Variants in CTDSPL2 observed in about 807,000 individuals in gnomAD.
CTDSPL2 encodes CTD small phosphatase like 2.
A neutral mutation model predicts 60.0 loss-of-function variants in CTDSPL2; 5 were observed. The observed-to-expected ratio is 0.08, with a 90% CI of 0.04 to 0.18. The LOEUF is 0.18. Ranked by LOEUF, CTDSPL2 falls within the 10% of genes least tolerant of loss-of-function variation. The probability of loss-of-function intolerance (pLI) is 1.00; values close to 1 mark genes in which losing one functional copy is unlikely to be tolerated. For synonymous variants in CTDSPL2, 186 were observed against 189.3 expected (o/e 0.98, Z 0.14); for missense variants, 370 against 548.8 (o/e 0.67, Z 3.26).
intron 3 of CTDSPL2, among the ~76,000 whole-genome samples, chr15:44,484,902 G>A (rs1371409610): frequency 6.6e-6 from 1 of 152,146 alleles, no homozygotes; most frequent in East Asian, 1.9e-4. Flanking sequence ...GCATAAAAAT[G>A]TATGTGGATC....
At chr15:44,480,939 C>T (rs937194369) in intron 2 of CTDSPL2, among the ~76,000 whole-genome samples, 19 of 152,144 alleles carry the variant, frequency 1.2e-4, no homozygotes, top group Admixed American at 2.6e-4. Flanking sequence ...TTTCCTAGTT[C>T]GTCTTCCTCT....
At chr15:44,476,273 A>G (rs920455676) in intron 2 of CTDSPL2, among the ~76,000 whole-genome samples, 2 of 151,934 alleles carry the variant, frequency 1.3e-5, no homozygotes, top group Non-Finnish European at 2.9e-5. Flanking sequence ...TTTCACTGTT[A>G]GCCAGGATGG....
intron 1 of CTDSPL2, among the ~76,000 whole-genome samples, chr15:44,431,112 G>A (rs1421869371): frequency 1.3e-5 from 2 of 150,928 alleles, no homozygotes; most frequent in East Asian, 2.0e-4. Context: ...GTGAGCCACC[G>A]CATCTGGCCC....
chr15:44,453,341 T>C (rs891901737), intron 1 of CTDSPL2, among the ~76,000 whole-genome samples: 2 of 152,216 alleles, frequency 1.3e-5, no homozygotes, highest in Admixed American at 6.5e-5. Context: ...TGATTATTTT[T>C]AATATGAAAG....
intron 1 of CTDSPL2, among the ~76,000 whole-genome samples, chr15:44,441,140 A>G (rs1595696486): frequency 6.6e-6 from 1 of 152,216 alleles, no homozygotes; most frequent in African/African-American, 2.4e-5. Flanking sequence ...CCTCAGTGGT[A>G]TTAGAGACAT....
chr15:44,454,268 G>A (rs1481474084), intron 1 of CTDSPL2, among the ~76,000 whole-genome samples: 1 of 152,100 alleles, frequency 6.6e-6, no homozygotes, highest in Non-Finnish European at 1.5e-5. Flanking sequence ...CCCACTTTTT[G>A]ATGGAGTTGT....
chr15:44,484,292 A>T lies in CTDSPL2; in HGVS notation c.255A>T (p.Ser85=). Residue 85 remains serine, a synonymous_variant, in exon 3 of 13, where the codon TCA becomes TCT. Transcript: ENST00000260327. Reference sequence around the variant, plus strand: ...ATATAGATAACAATTTGATCACGTCAACACCAAGAGCAGGAGAAAAACCTA... The same window carrying T: ...ATATAGATAACAATTTGATCACGTCTACACCAAGAGCAGGAGAAAAACCTA... ...ERDIDNNLIT[S]TPRAGEKPNK... The T allele has an allele frequency of 6.2e-7, 1 of 1,613,430 alleles. No homozygotes were observed. The highest frequency in any genetic ancestry group is 8.5e-7 in the Non-Finnish European group (1 of 1,179,348).
intron 3 of CTDSPL2, among the ~76,000 whole-genome samples, chr15:44,486,050 C>T (rs2081112722): frequency 6.6e-6 from 1 of 152,086 alleles, no homozygotes; most frequent in South Asian, 2.1e-4. Context: ...GTCTCAGTGT[C>T]CATAAGTAAT....
At chr15:44,478,107 C>CTTAG (rs1426482204) in intron 2 of CTDSPL2, among the ~76,000 whole-genome samples, 3 of 151,980 alleles carry the variant, frequency 2.0e-5, no homozygotes, top group African/African-American at 7.3e-5. Context: ...TATGATTAGT[C>CTTAG]TTAGCATCAT....
chr15:44,481,215 A>T (rs1164491199), intron 2 of CTDSPL2, among the ~76,000 whole-genome samples: 1 of 152,186 alleles, frequency 6.6e-6, no homozygotes, highest in Non-Finnish European at 1.5e-5. Flanking sequence ...ATTTCAATGA[A>T]TTATTCTGAA....
At chr15:44,479,829 A>G (rs1297062240) in intron 2 of CTDSPL2, among the ~76,000 whole-genome samples, 1 of 152,102 alleles carries the variant, frequency 6.6e-6, no homozygotes, top group Non-Finnish European at 1.5e-5. Flanking sequence ...GTGTTTCATT[A>G]TAGTAGTTTT....
chr15:44,493,698 G>A (rs368905184), intron 5 of CTDSPL2, among the ~76,000 whole-genome samples: 1 of 152,146 alleles, frequency 6.6e-6, no homozygotes, highest in South Asian at 2.1e-4. Context: ...TACTTGAAGG[G>A]CTGAGGTGGG....
chr15:44,471,684 T>A (rs555652704), intron 2 of CTDSPL2, among the ~76,000 whole-genome samples: 108 of 152,282 alleles, frequency 7.1e-4, no homozygotes, highest in African/African-American at 2.4e-3. Context: ...TTCAGTAGCT[T>A]TTAGTACATG....
chr15:44,445,496 C>G (rs115826718), intron 1 of CTDSPL2, among the ~76,000 whole-genome samples: 1,550 of 151,190 alleles, frequency 0.01, 26 homozygotes, highest in African/African-American at 0.036. Flanking sequence ...GGCCTAGGTT[C>G]TAGATTTTTG....
chr15:44,511,926 A>G (rs890540489), intron 8 of CTDSPL2, among the ~76,000 whole-genome samples: 2 of 150,786 alleles, frequency 1.3e-5, no homozygotes, highest in African/African-American at 4.9e-5. Flanking sequence ...GTGATGGGTC[A>G]TGCCTATAAT....
chr15:44,491,065 T>G (rs1470005108), intron 5 of CTDSPL2, 66 bp downstream of exon 5: 1 of 1,291,124 alleles, frequency 7.7e-7, no homozygotes, highest in East Asian at 2.3e-5. Flanking sequence ...GTATTTCATA[T>G]TTTTTCTTAA....
At position 44,486,691 on chromosome 15, in the gene CTDSPL2, A is replaced by G. The variant is rs745408185; in HGVS notation, c.466A>G (p.Asn156Asp). 6.3e-7 allele frequency: 1 copy of G among 1,585,996 alleles called. No individual in the cohort carries two copies. The highest frequency in any genetic ancestry group is 2.3e-5 in the East Asian group (1 of 44,174). Residue 156 changes from asparagine to aspartate, a missense_variant, in exon 4 of 13, where the codon AAT becomes GAT. By Grantham distance (23) the Asn-to-Asp change is conservative. Around this residue, in one of 6 missense-constraint regions of CTDSPL2, gnomAD observed 287 missense variants for 296.1 expected, o/e 0.97. Coordinates refer to ENST00000260327, the MANE Select transcript of CTDSPL2 (RefSeq NM_016396.3). ...TGTCTTCAACTTTTTTTCACCAGCAAATAAAAATGGTAAGTATAAACTGTT... is the reference window on the plus strand; with the variant it reads ...TGTCTTCAACTTTTTTTCACCAGCAGATAAAAATGGTAAGTATAAACTGTT... ...SPVFNFFSPA[N>D]KNGTSGSDSP...
chr15:44,443,439 A>G (rs2080133711), intron 1 of CTDSPL2, among the ~76,000 whole-genome samples: 1 of 152,244 alleles, frequency 6.6e-6, no homozygotes, highest in African/African-American at 2.4e-5. Flanking sequence ...GTTGGATCAT[A>G]TGGCAATTCT....
intron 1 of CTDSPL2, among the ~76,000 whole-genome samples, chr15:44,436,341 A>G (rs1286725206): frequency 6.6e-6 from 1 of 152,182 alleles, no homozygotes; most frequent in Non-Finnish European, 1.5e-5. Context: ...AATCATTCTG[A>G]AGACTCCTTA....
Sources: gnomAD v4.1 joint callset for allele counts (sites outside exome capture counted in the v4.1 genomes callset) on GRCh38, gnomAD v4.1.1 for gene constraint, gnomAD v4.1.1 regional missense constraint, MANE v1.5 for transcripts, NCBI Gene and HGNC (gene_info 2026-07-23, HGNC 2026-07-21) for gene names.